The following METTL16 variants were observed in gnomAD, a reference collection of about 807,000 sequenced individuals.
METTL16 encodes the protein methyltransferase 16, RNA N6-adenosine.
In METTL16, 19 loss-of-function variants were observed where a neutral mutation model predicts 57.9. The observed-to-expected ratio is 0.33, with a 90% CI of 0.23 to 0.48. The LOEUF is 0.48. Ranked by LOEUF, METTL16 falls within the 20% of genes least tolerant of loss-of-function variation. The pLI is 0.99. For synonymous variants in METTL16, 246 were observed against 255.6 expected, an observed-to-expected ratio of 0.96 and a Z score of 0.36; for missense variants, 434 against 691.5, an observed-to-expected ratio of 0.63 and a Z score of 4.18.
In METTL16 at chr17:2,448,800, T is replaced by TAAAA. The variant is rs1491334811; in HGVS notation, c.729-7242_729-7241insTTTT. 8.6e-4 allele frequency among the ~76,000 whole-genome samples: 55 copies of TAAAA among 64,276 alleles called. 1 individual carries two copies. Among genetic ancestry groups the TAAAA allele is most frequent in the African/African-American group, 4.2e-3 (53 of 12,718 alleles). The allele number at this position is 64,276 out of a possible 152,430, so 42.2% of individuals were successfully genotyped here. Reference sequence around the variant, plus strand: ...AAAAAATAAAAAAATAAAAATAAAATTTAAAAAAAAAAAAAAAAAAAAAAA... The same window carrying TAAAA: ...AAAAAATAAAAAAATAAAAATAAAATAAAATTAAAAAAAAAAAAAAAAAAAAAAA... On this transcript the variant is annotated intron_variant, in intron 6 of 9. Transcript: ENST00000263092.
rs1240967508 is a variant in METTL16, at chr17:2,448,786, AAAT to A, written c.729-7230_729-7228del. ...AAAAATAAAAAATAAAAAAATAAAA[AAAT>A]AAAAATAAAATTTAAAAAAAAAAAA... On this transcript the variant is annotated intron_variant, in intron 6 of 9. Coordinates refer to ENST00000263092, the MANE Select transcript of METTL16 (RefSeq NM_024086.4). 1.3e-4 allele frequency among the ~76,000 whole-genome samples: 13 copies of A among 103,304 alleles called. 1 individual carries two copies. The highest frequency in any genetic ancestry group is 4.7e-4 in the African/African-American group (8 of 17,028). 67.8% of individuals were successfully genotyped at this position (103,304 alleles called of 152,430 possible). A position where few individuals can be genotyped will look rare whatever the true frequency, so the allele number is the denominator to read the frequency against.
intron 6 of METTL16, among the ~76,000 whole-genome samples, chr17:2,461,796 C>T (rs1415082536): frequency 6.6e-6 from 1 of 152,116 alleles, no homozygotes; most frequent in Non-Finnish European, 1.5e-5. Context: ...TGAGGCTGGT[C>T]TCCAACTCCT....
intron 1 of METTL16, among the ~76,000 whole-genome samples, chr17:2,508,080 C>A (rs1330605521): frequency 6.6e-6 from 1 of 151,266 alleles, no homozygotes; most frequent in Admixed American, 6.6e-5. Context: ...GTCCTGTGAC[C>A]CTGCCAAATC....
intron 6 of METTL16, among the ~76,000 whole-genome samples, chr17:2,448,801 T>TAAAAAAAA (rs1567889993): frequency 4.2e-5 from 2 of 47,388 alleles, no homozygotes; most frequent in African/African-American, 1.9e-4. Context: ...AAAATAAAAT[T>TAAAAAAAA]TAAAAAAAAA....
At chr17:2,461,234 G>A (rs2067148042) in intron 6 of METTL16, among the ~76,000 whole-genome samples, 6 of 152,240 alleles carry the variant, frequency 3.9e-5, no homozygotes, top group African/African-American at 1.2e-4. Context: ...GCGCGTGCCT[G>A]TAGTCCCAAC....
At chr17:2,431,686 A>C (rs963446897) in intron 8 of METTL16, among the ~76,000 whole-genome samples, 2 of 152,190 alleles carry the variant, frequency 1.3e-5, no homozygotes, top group Non-Finnish European at 2.9e-5. Context: ...CTAATAACTA[A>C]TGAGATTTAA....
Position 2,439,789 on chromosome 17 carries a change from A to G in METTL16, c.799-1591T>C, listed in dbSNP as rs578144262. 2.0e-5 allele frequency among the ~76,000 whole-genome samples: 3 copies of G among 152,298 alleles called. No homozygotes were observed. In the South Asian group the frequency reaches 6.2e-4, roughly 32 times the overall value. On this transcript the variant is annotated intron_variant, in intron 7 of 9. Coordinates refer to ENST00000263092, the MANE Select transcript of METTL16 (RefSeq NM_024086.4). ...AAAAGGCCTTGTTTTAATAATCTAT[A>G]AAAAATATATTTTAGCCCTAAAAAT...
chr17:2,487,932 G>A (rs1244159849), intron 2 of METTL16, among the ~76,000 whole-genome samples: 1 of 151,976 alleles, frequency 6.6e-6, no homozygotes, highest in African/African-American at 2.4e-5. Context: ...CTCAGCACAG[G>A]AGGTCAAGGC....
In METTL16 at chr17:2,496,074, C is replaced by T. The variant is rs143472755; in HGVS notation, c.128+6130G>A. Among the ~76,000 whole-genome samples, 288 of 151,574 alleles carry T rather than the reference C, an allele frequency of 1.9e-3. 11 individuals carry two copies. The East Asian group carries it at 0.05, about 26-fold the overall frequency. On this transcript the variant is annotated intron_variant, in intron 2 of 9. Coordinates refer to ENST00000263092, the MANE Select transcript of METTL16 (RefSeq NM_024086.4). Reference sequence around the variant, plus strand: ...GCAGTGACCTGAGACCACACCACTGCACTCCAGCAGCCAGGGTGACAGAGC... The same window carrying T: ...GCAGTGACCTGAGACCACACCACTGTACTCCAGCAGCCAGGGTGACAGAGC...
In METTL16 at chr17:2,417,616, T is replaced by C. The variant is rs1440924821; in HGVS notation, c.*2354A>G. On this transcript the variant is annotated 3_prime_UTR_variant, in exon 10 of 10. Coordinates refer to ENST00000263092, the MANE Select transcript of METTL16 (RefSeq NM_024086.4). ...CTGTTACAACATGGACAAATACTTGTAAGATGTTAAATGAACAAAGGACCA... is the reference window on the plus strand; with the variant it reads ...CTGTTACAACATGGACAAATACTTGCAAGATGTTAAATGAACAAAGGACCA... 1 of 152,104 alleles carries C rather than the reference T, an allele frequency of 6.6e-6. No homozygotes were observed. Among genetic ancestry groups the C allele is most frequent in the Admixed American group, 6.6e-5 (1 of 15,250 alleles). 9.4% of individuals were successfully genotyped at this position (152,104 alleles called of 1,614,324 possible).
At chr17:2,499,332 T>C (rs1026741441) in intron 2 of METTL16, among the ~76,000 whole-genome samples, 1 of 98,502 alleles carries the variant, frequency 1.0e-5, no homozygotes, top group Non-Finnish European at 2.1e-5. Flanking sequence ...AAACTATATC[T>C]TTTTTTTTTT....
intron 1 of METTL16, among the ~76,000 whole-genome samples, chr17:2,505,356 C>T (rs1196061626): frequency 1.4e-5 from 2 of 145,148 alleles, no homozygotes; most frequent in African/African-American, 2.5e-5. Context: ...CTTAAATCCA[C>T]TCTTTTTCCC....
At chr17:2,507,033 G>A (rs2151582143) in intron 1 of METTL16, among the ~76,000 whole-genome samples, 1 of 151,476 alleles carries the variant, frequency 6.6e-6, no homozygotes, top group Non-Finnish European at 1.5e-5. Context: ...TGGGAAGTGA[G>A]GATCGTCTCC....
At chr17:2,508,454 T>C (rs2067564131) in intron 1 of METTL16, among the ~76,000 whole-genome samples, 1 of 152,184 alleles carries the variant, frequency 6.6e-6, no homozygotes, top group African/African-American at 2.4e-5. Flanking sequence ...TCTCACCAAA[T>C]GCACTGCTAT....
At chr17:2,482,917 AATAAT>A (rs2067317211) in intron 2 of METTL16, among the ~76,000 whole-genome samples, 1 of 151,914 alleles carries the variant, frequency 6.6e-6, no homozygotes, top group African/African-American at 2.4e-5. Flanking sequence ...TCTCAAAAAT[AATAAT>A]AATAATAATA....
intron 8 of METTL16, among the ~76,000 whole-genome samples, chr17:2,422,185 A>C (rs2066771351): frequency 6.6e-6 from 1 of 151,846 alleles, no homozygotes; most frequent in African/African-American, 2.4e-5. Flanking sequence ...GGGGGCACGC[A>C]CCTATAATCC....
intron 2 of METTL16, among the ~76,000 whole-genome samples, chr17:2,484,020 T>G (rs1363369917): frequency 2.6e-5 from 4 of 152,218 alleles, no homozygotes; most frequent in African/African-American, 7.2e-5. Flanking sequence ...ATGTCTATGT[T>G]CAAAGGCTTA....
At chr17:2,467,617 G>A (rs1199347634) in intron 5 of METTL16, 144 bp downstream of exon 5, 5 of 557,474 alleles carry the variant, frequency 9.0e-6, no homozygotes, top group South Asian at 1.9e-5. Context: ...TAGTAGAGAC[G>A]GAGTTTCACC....
chr17:2,423,462 C>T lies in METTL16; in HGVS notation c.889-2558G>A, dbSNP rs572726906. 2.0e-5 allele frequency among the ~76,000 whole-genome samples: 3 copies of T among 152,286 alleles called. No homozygotes were observed. In the South Asian group the frequency reaches 6.2e-4, roughly 32 times the overall value. On this transcript the variant is annotated intron_variant, in intron 8 of 9. Coordinates refer to ENST00000263092, the MANE Select transcript of METTL16 (RefSeq NM_024086.4). Reference sequence around the variant, plus strand: ...TCATCCTGCATGAGAAACATAATTTCTAGTCTACTGAGAGCCTAACGCTTT... The same window carrying T: ...TCATCCTGCATGAGAAACATAATTTTTAGTCTACTGAGAGCCTAACGCTTT...
Sources: gnomAD v4.1 joint callset for allele counts (sites outside exome capture counted in the v4.1 genomes callset) on GRCh38, gnomAD v4.1.1 for gene constraint, MANE v1.5 for transcripts, NCBI Gene and HGNC (gene_info 2026-07-23, HGNC 2026-07-21) for gene names.